The following ME3 variants were observed in gnomAD, a reference collection of about 807,000 sequenced individuals.
The protein encoded by ME3 is NADP-dependent malic enzyme, mitochondrial.
A neutral mutation model predicts 68.9 loss-of-function variants in ME3; 48 were observed. That is an observed-to-expected ratio of 0.70 (90% confidence interval 0.55 to 0.89). The LOEUF (loss-of-function observed/expected upper bound fraction) is 0.89, where lower values mean the gene tolerates loss of function less well. Among genes scored for constraint, ME3 ranks in the 40% least tolerant of loss-of-function variants. ME3 has a pLI of 0.00. For missense variants in ME3, 675 were observed against 797.4 expected, an observed-to-expected ratio of 0.85 and a Z score of 1.85; for synonymous variants, 320 against 318.8, an observed-to-expected ratio of 1.00 and a Z score of -0.04.
intron 4 of ME3, among the ~76,000 whole-genome samples, chr11:86,525,399 T>G (rs1378300750): frequency 6.6e-6 from 1 of 150,908 alleles, no homozygotes; most frequent in Non-Finnish European, 1.5e-5. Flanking sequence ...ATCCACAAAA[T>G]AACCAGGAAA....
intron 6 of ME3, among the ~76,000 whole-genome samples, chr11:86,488,175 G>T (rs913767353): frequency 6.6e-6 from 1 of 151,924 alleles, no homozygotes; most frequent in Non-Finnish European, 1.5e-5. Context: ...ATGAGACCCT[G>T]TCTCAAAAAA....
At chr11:86,586,302 A>C (rs1305491193) in intron 2 of ME3, among the ~76,000 whole-genome samples, 1 of 152,112 alleles carries the variant, frequency 6.6e-6, no homozygotes, top group Non-Finnish European at 1.5e-5. Context: ...GGAAAAAGTG[A>C]ATGGAAAAAT....
At chr11:86,614,912 A>T (rs757907280) in intron 2 of ME3, among the ~76,000 whole-genome samples, 11 of 152,206 alleles carry the variant, frequency 7.2e-5, no homozygotes, top group Non-Finnish European at 1.5e-4. Context: ...CAATACATTA[A>T]TGAGCTTTTT....
In ME3 at chr11:86,586,382, C is replaced by A. The variant is rs1958736375; in HGVS notation, c.184-26559G>T. On this transcript the variant is annotated intron_variant, in intron 2 of 14. Coordinates refer to ENST00000543262, the Ensembl canonical transcript of ME3. ...GAGGGGACAGCTGACCCGGCAGCAT[C>A]TCTGGTTGACAGTGTGTTGTTAGAA... Among the ~76,000 whole-genome samples, 3 of 152,148 alleles carry A rather than the reference C, an allele frequency of 2.0e-5. 1 individual carries two copies. In the South Asian group the frequency reaches 6.2e-4, roughly 32 times the overall value.
At chr11:86,464,962 T>A in intron 8 of ME3, 129 bp downstream of exon 8, 1 of 690,326 alleles carries the variant, frequency 1.4e-6, no homozygotes, top group Admixed American at 2.4e-5. Flanking sequence ...TTTAATATTC[T>A]TTTTTCAACA....
intron 2 of ME3, among the ~76,000 whole-genome samples, chr11:86,597,168 A>G (rs1959629038): frequency 6.6e-6 from 1 of 152,246 alleles, no homozygotes; most frequent in Non-Finnish European, 1.5e-5. Context: ...ACTCCACTTC[A>G]TAAGAACTAA....
At chr11:86,610,672 G>A (rs796196417) in intron 2 of ME3, among the ~76,000 whole-genome samples, 4 of 148,182 alleles carry the variant, frequency 2.7e-5, no homozygotes, top group African/African-American at 1.0e-4. Context: ...GGGTTGGGGG[G>A]TGGCTCTTGT....
intron 13 of ME3, among the ~76,000 whole-genome samples, chr11:86,445,250 A>C (rs906164826): frequency 4.6e-5 from 7 of 152,214 alleles, no homozygotes; most frequent in African/African-American, 1.7e-4. Context: ...ACAAAGTCAT[A>C]AGTAGTGTGC....
At chr11:86,461,566 T>A (rs1950225998) in intron 8 of ME3, among the ~76,000 whole-genome samples, 1 of 152,170 alleles carries the variant, frequency 6.6e-6, no homozygotes, top group Non-Finnish European at 1.5e-5. Flanking sequence ...GCCAGCTCCA[T>A]GGGGAGCTTG....
intron 2 of ME3, among the ~76,000 whole-genome samples, chr11:86,603,566 AC>A (rs1267269251): frequency 6.6e-6 from 1 of 152,150 alleles, no homozygotes; most frequent in Admixed American, 6.5e-5. Flanking sequence ...AACTAGAAAT[AC>A]CATTTGACCC....
At chr11:86,586,178 C>A (rs985480506) in intron 2 of ME3, among the ~76,000 whole-genome samples, 2 of 152,152 alleles carry the variant, frequency 1.3e-5, no homozygotes, top group South Asian at 4.1e-4. Context: ...GGGATGGAAT[C>A]CTCACTTCCA....
intron 8 of ME3, 29 bp from the exon 9 acceptor site, chr11:86,450,427 C>CTGGCCTG: frequency 6.3e-7 from 1 of 1,594,294 alleles, no homozygotes; most frequent in Non-Finnish European, 8.6e-7. Flanking sequence ...AGATCAACCT[C>CTGGCCTG]TGGCCACAGG....
At chr11:86,473,199 C>T (rs1292759862) in intron 7 of ME3, among the ~76,000 whole-genome samples, 1 of 147,796 alleles carries the variant, frequency 6.8e-6, no homozygotes, top group East Asian at 2.0e-4. Context: ...TGGGCCCACA[C>T]AGCAGCTGCT....
rs113200012 is a variant in ME3, at chr11:86,470,326, C to T, written c.810-5126G>A. Among the ~76,000 whole-genome samples, 964 of 152,206 alleles carry T rather than the reference C, an allele frequency of 6.3e-3. 12 individuals carry two copies. The highest frequency in any genetic ancestry group is 0.02 in the African/African-American group (848 of 41,526). ...CCCAGAAAAAAACCCACATGCAAGA[C>T]TTCCACAGCAGAGCGTTCAGTGAGA... On this transcript the variant is annotated intron_variant, in intron 7 of 14. Coordinates refer to ENST00000543262, the Ensembl canonical transcript of ME3.
At chr11:86,500,113 T>C (rs967740732) in intron 5 of ME3, among the ~76,000 whole-genome samples, 3 of 152,192 alleles carry the variant, frequency 2.0e-5, no homozygotes, top group Non-Finnish European at 4.4e-5. Context: ...TCTTGGTAGA[T>C]CTCCCTGTTA....
intron 14 of ME3, among the ~76,000 whole-genome samples, chr11:86,441,926 C>T (rs1188752086): frequency 3.9e-5 from 6 of 152,224 alleles, no homozygotes; most frequent in African/African-American, 9.6e-5. Context: ...ATCTAAATAT[C>T]GCCCAAAGGA....
At chr11:86,574,418 T>G (rs1957978282) in intron 2 of ME3, among the ~76,000 whole-genome samples, 1 of 150,790 alleles carries the variant, frequency 6.6e-6, no homozygotes, top group Non-Finnish European at 1.5e-5. Context: ...GGGGTGTCTT[T>G]TTTGTTGATG....
At chr11:86,577,803 T>C (rs1453137558) in intron 2 of ME3, among the ~76,000 whole-genome samples, 2 of 152,216 alleles carry the variant, frequency 1.3e-5, no homozygotes, top group East Asian at 1.9e-4. Flanking sequence ...AATGCTCTCA[T>C]ATGGCTTACG....
At chr11:86,668,773 C>T (rs1946732935) in intron 2 of ME3, among the ~76,000 whole-genome samples, 1 of 152,162 alleles carries the variant, frequency 6.6e-6, no homozygotes, top group South Asian at 2.1e-4. Context: ...ACTTAAATGC[C>T]ACTCCTAATC....
Sources: allele counts gnomAD v4.1 joint callset (sites outside exome capture counted in the v4.1 genomes callset), GRCh38; gene constraint gnomAD v4.1.1; transcripts MANE v1.5; gene names NCBI Gene and HGNC (gene_info 2026-07-23, HGNC 2026-07-21).